CLEC4C: variants seen among roughly 807,000 people sequenced by gnomAD.
CLEC4C encodes C-type (calcium dependent, carbohydrate-recognition domain) lectin, superfamily member 11.
CLEC4C carries 17 observed loss-of-function variants against 27.7 expected under a neutral mutation model. The observed-to-expected ratio is 0.61, with a 90% CI of 0.42 to 0.92. The LOEUF is 0.92. CLEC4C is among the 40% of genes least tolerant of loss of function. The pLI, the probability that CLEC4C is intolerant of heterozygous loss-of-function variation, is 0.00. For synonymous variants in CLEC4C, 80 were observed against 80.8 expected, an observed-to-expected ratio of 0.99 and a Z score of 0.06; for missense variants, 244 against 257.3, an observed-to-expected ratio of 0.95 and a Z score of 0.35.
chr12:7,730,840 G>A lies in CLEC4C; in HGVS notation c.454C>T (p.His152Tyr), dbSNP rs1325573071. The change falls in exon 5 of 6, where the codon CAT (histidine) becomes TAT (tyrosine). Residue 152 changes from histidine to tyrosine, a missense_variant. By Grantham distance (83) the His-to-Tyr change is moderately conservative (BLOSUM62 2). Coordinates refer to ENST00000360345, the MANE Select transcript of CLEC4C (RefSeq NM_001371390.1). ...LGLSDPGGRR[H>Y]WQWVDQTPYN... ...GGTGTCTGGTCAACCCATTGCCAAT[G>A]TCGCCGACCCCCTGGATCTGACAGC... is the stretch of plus-strand genomic sequence containing the variant. The A allele has an allele frequency of 6.2e-7, 1 of 1,607,304 alleles. No homozygotes were observed. The highest frequency in any genetic ancestry group is 8.5e-7 in the Non-Finnish European group (1 of 1,174,204).
At chr12:7,732,258 G>T (rs2120365314) in intron 4 of CLEC4C, among the ~76,000 whole-genome samples, 1 of 152,224 alleles carries the variant, frequency 6.6e-6, no homozygotes, top group East Asian at 1.9e-4. Flanking sequence ...TCAAACTCGT[G>T]ACCTCAGTTG....
At chr12:7,735,949 T>C (rs1864715749) in intron 4 of CLEC4C, among the ~76,000 whole-genome samples, 1 of 152,080 alleles carries the variant, frequency 6.6e-6, no homozygotes, top group Non-Finnish European at 1.5e-5. Flanking sequence ...GATGTTAATA[T>C]ATGGCTTTAA....
Position 7,729,552 on chromosome 12 carries a change from C to T in CLEC4C, c.*44G>A, listed in dbSNP as rs182285337. 324 of 1,579,818 alleles carry T rather than the reference C, an allele frequency of 2.1e-4. No individual in the cohort carries two copies. The highest frequency in any genetic ancestry group is 2.7e-4 in the Non-Finnish European group (308 of 1,157,332). On this transcript the variant is annotated 3_prime_UTR_variant, in exon 6 of 6. Transcript: ENST00000360345. ...AAAAAATCAATTTAGCTTTCTACAA[C>T]GGTGGATGCCAACCCAAACACATTT... is the stretch of plus-strand genomic sequence containing the variant.
At chr12:7,747,256 C>T (rs960870867) in intron 1 of CLEC4C, 62 bp downstream of exon 1, 3 of 1,455,384 alleles carry the variant, frequency 2.1e-6, no homozygotes, top group Non-Finnish European at 2.9e-6. Flanking sequence ...CACCTCAATG[C>T]CTGTTTCCCA....
rs117012397 is a variant in CLEC4C, at chr12:7,744,189, A to G, written c.124+2142T>C. Among the ~76,000 whole-genome samples, 1,361 of 152,310 alleles carry G rather than the reference A, an allele frequency of 8.9e-3. 93 individuals are homozygous for G. In the East Asian group the frequency reaches 0.16, roughly 18 times the overall value. ...TGATAGTTGTCCCTTCCAAATTTCA[A>G]ATTTTCAACATGAGACTTGGAAGGG... On this transcript the variant is annotated intron_variant, in intron 2 of 5. Transcript: ENST00000360345.
In CLEC4C at chr12:7,734,552, AT is replaced by A. The variant is rs34564177; in HGVS notation, c.381+2876del. Reference sequence around the variant, plus strand: ...AAGAGAATAATATCTGAGGCCTCCAATTTTTTTTTTTTTTTTGAGACAGTTT... The same window carrying A: ...AAGAGAATAATATCTGAGGCCTCCAATTTTTTTTTTTTTTTGAGACAGTTT... On this transcript the variant is annotated intron_variant, in intron 4 of 5. Transcript: ENST00000360345. Among the ~76,000 whole-genome samples, 726 of 142,814 alleles carry A rather than the reference AT, an allele frequency of 5.1e-3. 7 individuals carry two copies. Among genetic ancestry groups the A allele is most frequent in the African/African-American group, 0.016 (621 of 38,796 alleles). 93.7% of individuals were successfully genotyped at this position (142,814 alleles called of 152,430 possible).
chr12:7,739,394 A>T (rs1447957307), intron 3 of CLEC4C, among the ~76,000 whole-genome samples: 1 of 152,024 alleles, frequency 6.6e-6, no homozygotes, highest in African/African-American at 2.4e-5. Flanking sequence ...TACAGGGGTG[A>T]GCCACCGCGC....
At chr12:7,748,328 C>T (rs750000619), upstream of CLEC4C, among the ~76,000 whole-genome samples, 2 of 152,072 alleles carry the variant, frequency 1.3e-5, no homozygotes, top group Non-Finnish European at 2.9e-5. Context: ...GAGATCGAGA[C>T]CATCCTGGCC....
rs752786937 is a variant in CLEC4C, at chr12:7,746,363, A to G, written c.92T>C (p.Leu31Pro). ...ACTCACAGTGAAACAGACACTGAGG[A>G]GCAAGATGGATACGACTGCCATGGA... ...VWSMAVVSIL[L>P]LSVCFTVSSV... Residue 31 changes from leucine to proline, a missense_variant, in exon 2 of 6, where the codon CTC (leucine) becomes CCC (proline). Leu to Pro is a moderately conservative substitution (Grantham distance 98). Transcript: ENST00000360345. The G allele has an allele frequency of 2.5e-6, 4 of 1,613,764 alleles. No homozygotes were observed. In the South Asian group the frequency reaches 4.4e-5, roughly 18 times the overall value.
rs1362429045 is a variant in CLEC4C at position 7,740,904 on chromosome 12, G to A, written c.235+517C>T. The stretch of plus-strand genomic sequence containing the variant: ...CACCCAGGCTGGAGTGCAGTGGCGC[G>A]ATCTCGGCTCACTGCAAGCTCCACC... On this transcript the variant is annotated intron_variant, in intron 3 of 5. Coordinates refer to ENST00000360345, the MANE Select transcript of CLEC4C (RefSeq NM_001371390.1). Among the ~76,000 whole-genome samples, 5 of 150,118 alleles carry A rather than the reference G, an allele frequency of 3.3e-5. No homozygotes were observed. In the East Asian group the frequency reaches 1.0e-3, roughly 31 times the overall value.
At chr12:7,747,247 A>G (rs1865003478) in intron 1 of CLEC4C, 71 bp downstream of exon 1, 1 of 1,333,716 alleles carries the variant, frequency 7.5e-7, no homozygotes, top group South Asian at 1.2e-5. Flanking sequence ...CATCCCTATC[A>G]CCTCAATGCC....
At chr12:7,741,022 A>AG (rs1259564966) in intron 3 of CLEC4C, among the ~76,000 whole-genome samples, 1 of 151,914 alleles carries the variant, frequency 6.6e-6, no homozygotes, top group African/African-American at 2.4e-5. Context: ...TTGTATTTTT[A>AG]GTAGGGACAG....
At position 7,737,438 on chromosome 12, in the gene CLEC4C, C is replaced by G; in HGVS notation, c.372G>C (p.Arg124Ser). ...GCCTGTTAGAACATACCTGTTCTTC[C>G]CTGGTGTTGATCACCACCAGATCAG... is the stretch of plus-strand genomic sequence containing the variant. ...MGADLVVINTREEQDFIIQNL... is the reference protein window; with the variant it reads ...MGADLVVINTSEEQDFIIQNL... The change falls in exon 4 of 6, where the codon AGG becomes AGC. Residue 124 changes from arginine to serine, a missense_variant. Arg to Ser is a moderately radical substitution (Grantham distance 110, BLOSUM62 -1). Transcript: ENST00000360345. The G allele has an allele frequency of 6.2e-7, 1 of 1,612,204 alleles. No individual in the cohort carries two copies. Among genetic ancestry groups the G allele is most frequent in the Non-Finnish European group, 8.5e-7 (1 of 1,179,224 alleles).
intron 4 of CLEC4C, among the ~76,000 whole-genome samples, 168 bp from the exon 5 acceptor site, chr12:7,731,080 A>G (rs1451336147): frequency 2.0e-5 from 3 of 152,100 alleles, no homozygotes; most frequent in Non-Finnish European, 2.9e-5. Context: ...CAAAACACAG[A>G]TAAGACAGCT....
chr12:7,745,353 CTCA>C (rs1864948109), intron 2 of CLEC4C, among the ~76,000 whole-genome samples: 1 of 151,100 alleles, frequency 6.6e-6, no homozygotes, highest in African/African-American at 2.4e-5. Context: ...TCCTGACATC[CTCA>C]TGTCAGACTT....
At chr12:7,746,279 A>G in intron 2 of CLEC4C, 52 bp downstream of exon 2, 1 of 1,033,270 alleles carries the variant, frequency 9.7e-7, no homozygotes, top group South Asian at 1.4e-5. Context: ...AATTGATAAA[A>G]TGTGATTGGG....
intron 2 of CLEC4C, among the ~76,000 whole-genome samples, chr12:7,745,987 G>C (rs945984096): frequency 1.3e-5 from 2 of 151,798 alleles, no homozygotes; most frequent in Non-Finnish European, 1.5e-5. Flanking sequence ...AGGCCAAGGT[G>C]GGCGGATCAC....
Position 7,747,368 on chromosome 12 carries a change from T to C in CLEC4C, c.-20A>G. 1 of 1,613,752 alleles carries C rather than the reference T, an allele frequency of 6.2e-7. No homozygotes were observed. The highest frequency in any genetic ancestry group is 8.5e-7 in the Non-Finnish European group (1 of 1,179,730). ...CACCATTGTGTGTGCGCACACCCTT[T>C]GGACTTCCTCTATCAGGTGGGTGCA... On this transcript the variant is annotated 5_prime_UTR_variant, in exon 1 of 6. Transcript: ENST00000360345.
At chr12:7,735,978 TGAA>T (rs1328793897) in intron 4 of CLEC4C, among the ~76,000 whole-genome samples, 1 of 151,874 alleles carries the variant, frequency 6.6e-6, no homozygotes, top group African/African-American at 2.4e-5. Flanking sequence ...TAGACATAGT[TGAA>T]GAAGATTAGT....
Sources: gnomAD v4.1 joint callset for allele counts (sites outside exome capture counted in the v4.1 genomes callset) on GRCh38, gnomAD v4.1.1 for gene constraint, MANE v1.5 for transcripts, NCBI Gene and HGNC (gene_info 2026-07-23, HGNC 2026-07-21) for gene names.